Variants in SUSD5 observed in about 807,000 individuals in gnomAD.
The protein encoded by SUSD5 is sushi domain-containing protein 5.
Under a neutral mutation model 29.5 loss-of-function variants are expected in SUSD5, and 33 were observed. The observed-to-expected ratio is 1.12, with a 90% CI of 0.85 to 1.49. SUSD5 has a LOEUF of 1.49. Among genes scored for constraint, SUSD5 ranks in the 40% most tolerant of loss-of-function variants. The pLI is 0.00. For synonymous variants in SUSD5, 308 were observed against 325.3 expected (o/e 0.95, Z 0.57); for missense variants, 776 against 800.6 (o/e 0.97, Z 0.37).
intron 4 of SUSD5, chr3:33,168,726 T>C (rs899684592): frequency 2.3e-5 from 7 of 299,890 alleles, no homozygotes; most frequent in African/African-American, 1.4e-4. Flanking sequence ...CTTGGCTCAC[T>C]GTATCCTCCG....
intron 3 of SUSD5, among the ~76,000 whole-genome samples, chr3:33,202,058 A>G (rs199640618): frequency 7.7e-4 from 84 of 109,574 alleles, no homozygotes; most frequent in African/African-American, 3.4e-3. Flanking sequence ...CTATCTATCT[A>G]TCTGTCTATC....
At chr3:33,209,274 G>C (rs2032278334) in intron 2 of SUSD5, among the ~76,000 whole-genome samples, 1 of 152,114 alleles carries the variant, frequency 6.6e-6, no homozygotes, top group African/African-American at 2.4e-5. Context: ...GAATTTCTTT[G>C]TATTTGTCTT....
intron 4 of SUSD5, among the ~76,000 whole-genome samples, chr3:33,157,917 C>G (rs192603117): frequency 6.6e-6 from 1 of 152,242 alleles, no homozygotes; most frequent in African/African-American, 2.4e-5. Flanking sequence ...TTGTTTCATG[C>G]CACTAAGTTT....
intron 4 of SUSD5, among the ~76,000 whole-genome samples, chr3:33,165,004 A>ACACACG (rs1451784154): frequency 7.0e-6 from 1 of 143,830 alleles, no homozygotes; most frequent in Non-Finnish European, 1.5e-5. Context: ...ACACACACAC[A>ACACACG]CACGTATGAT....
At chr3:33,185,706 C>T (rs1243670121) in intron 3 of SUSD5, among the ~76,000 whole-genome samples, 2 of 152,168 alleles carry the variant, frequency 1.3e-5, no homozygotes, top group African/African-American at 2.4e-5. Context: ...GGCCAGAAAC[C>T]AGAAGTCTTT....
chr3:33,203,813 G>A (rs1255226826), intron 3 of SUSD5, among the ~76,000 whole-genome samples: 2 of 152,152 alleles, frequency 1.3e-5, no homozygotes, highest in Non-Finnish European at 2.9e-5. Flanking sequence ...TCCAACAGGC[G>A]CTCCCATGAT....
chr3:33,169,277 A>G (rs2031370832), intron 4 of SUSD5, among the ~76,000 whole-genome samples: 1 of 152,038 alleles, frequency 6.6e-6, no homozygotes, highest in African/African-American at 2.4e-5. Context: ...CTGGAGCACA[A>G]TGGCACAATC....
chr3:33,174,562 G>A (rs2031503556), intron 4 of SUSD5, among the ~76,000 whole-genome samples: 1 of 152,200 alleles, frequency 6.6e-6, no homozygotes, highest in African/African-American at 2.4e-5. Context: ...TACCACAGCT[G>A]ATGTTCCGAC....
chr3:33,161,771 A>G (rs749433276), intron 4 of SUSD5, among the ~76,000 whole-genome samples: 16 of 152,176 alleles, frequency 1.1e-4, no homozygotes, highest in Non-Finnish European at 2.1e-4. Context: ...AAATGTTTCA[A>G]TTCACCTGGA....
chr3:33,209,705 T>C (rs2032287547), intron 2 of SUSD5, among the ~76,000 whole-genome samples: 2 of 151,656 alleles, frequency 1.3e-5, no homozygotes. Flanking sequence ...AAGGTCTCAC[T>C]ATGATGTCTA....
chr3:33,189,452 G>A (rs1012786659), intron 3 of SUSD5, among the ~76,000 whole-genome samples: 1 of 145,476 alleles, frequency 6.9e-6, no homozygotes, highest in Non-Finnish European at 1.5e-5. Context: ...ACTCCAGCCC[G>A]GTGGGTGGAG....
intron 3 of SUSD5, among the ~76,000 whole-genome samples, chr3:33,205,609 A>G (rs2032203361): frequency 6.6e-6 from 1 of 152,188 alleles, no homozygotes; most frequent in South Asian, 2.1e-4. Context: ...CATGCATTAC[A>G]GTTGTGGGCA....
chr3:33,193,890 C>A (rs1427314478), intron 3 of SUSD5, among the ~76,000 whole-genome samples: 1 of 152,166 alleles, frequency 6.6e-6, no homozygotes, highest in Admixed American at 6.5e-5. Flanking sequence ...AACCCCCCCA[C>A]CACTTGCCTG....
intron 3 of SUSD5, among the ~76,000 whole-genome samples, chr3:33,184,104 CT>C (rs369273956): frequency 6.6e-6 from 1 of 150,764 alleles, no homozygotes; most frequent in Non-Finnish European, 1.5e-5. Flanking sequence ...CACCTGGCTA[CT>C]TTTTTTGTAT....
At chr3:33,171,471 T>A (rs2031426974) in intron 4 of SUSD5, among the ~76,000 whole-genome samples, 1 of 151,822 alleles carries the variant, frequency 6.6e-6, no homozygotes, top group Admixed American at 6.6e-5. Context: ...GAAATTTTTT[T>A]AAAAAGCATC....
intron 4 of SUSD5, among the ~76,000 whole-genome samples, chr3:33,162,565 T>C (rs919718630): frequency 1.3e-5 from 2 of 152,132 alleles, no homozygotes; most frequent in East Asian, 3.8e-4. Context: ...TTAGAGAAGA[T>C]GCAAATGAAA....
At chr3:33,170,245 C>A (rs944760642) in intron 4 of SUSD5, among the ~76,000 whole-genome samples, 7 of 152,124 alleles carry the variant, frequency 4.6e-5, no homozygotes, top group African/African-American at 1.7e-4. Flanking sequence ...GTAATTAGGG[C>A]AACAACCAAT....
chr3:33,175,084 A>C lies in SUSD5; in HGVS notation c.410-10T>G. 6.2e-7 allele frequency: 1 copy of C among 1,613,680 alleles called. No individual in the cohort carries two copies. The highest frequency in any genetic ancestry group is 2.2e-5 in the East Asian group (1 of 44,870). On this transcript the variant is annotated splice_polypyrimidine_tract_variant and intron_variant, in intron 3 of 4. Transcript: ENST00000309558. ...TCTCCACACGGCTTCTCTGAGGAGA[A>C]GGAATCACAGTTAGCTTTTCCAAAC...
intron 3 of SUSD5, among the ~76,000 whole-genome samples, chr3:33,205,142 T>C (rs2032193887): frequency 6.6e-6 from 1 of 152,200 alleles, no homozygotes; most frequent in South Asian, 2.1e-4. Context: ...AACAAGGATA[T>C]TCTCTTACAT....
Sources: gnomAD v4.1 joint callset for allele counts (sites outside exome capture counted in the v4.1 genomes callset) on GRCh38, gnomAD v4.1.1 for gene constraint, MANE v1.5 for transcripts, NCBI Gene and HGNC (gene_info 2026-07-23, HGNC 2026-07-21) for gene names.